RAB3GAP2: variants seen among roughly 807,000 people sequenced by gnomAD.
RAB3GAP2 encodes the protein RAB3 GTPase activating non-catalytic protein subunit 2, also known as rab3 GTPase-activating protein non-catalytic subunit.
In RAB3GAP2, 87 loss-of-function variants were observed where a neutral mutation model predicts 185.3. The observed-to-expected ratio is 0.47, with a 90% CI of 0.39 to 0.56. RAB3GAP2 has a LOEUF of 0.56. Among genes scored for constraint, RAB3GAP2 ranks in the 20% least tolerant of loss-of-function variants. RAB3GAP2 has a pLI of 0.00. For missense variants in RAB3GAP2, 1,492 were observed against 1,638.2 expected (o/e 0.91, Z 1.54); for synonymous variants, 554 against 576.1 (o/e 0.96, Z 0.55).
At chr1:220,167,761 G>C in intron 24 of RAB3GAP2, 86 bp from the exon 25 acceptor site, 3 of 1,337,342 alleles carry the variant, frequency 2.2e-6, no homozygotes, top group Non-Finnish European at 3.2e-6. Context: ...CTTACGAAGA[G>C]ATCTAAGTGC....
intron 1 of RAB3GAP2, chr1:220,266,771 C>T (rs1443007473): frequency 1.6e-5 from 25 of 1,592,712 alleles, no homozygotes; most frequent in Non-Finnish European, 2.1e-5. Context: ...TGCTGTGATC[C>T]AGGGGTATTC....
chr1:220,225,125 T>C (rs950965622), intron 2 of RAB3GAP2, among the ~76,000 whole-genome samples: 2 of 152,198 alleles, frequency 1.3e-5, no homozygotes, highest in Non-Finnish European at 2.9e-5. Context: ...AAGGTGCAGC[T>C]GACTACATGG....
intron 1 of RAB3GAP2, among the ~76,000 whole-genome samples, chr1:220,242,884 A>G (rs1659722072): frequency 6.6e-6 from 1 of 152,220 alleles, no homozygotes; most frequent in Non-Finnish European, 1.5e-5. Context: ...TCAAATGCCT[A>G]CATGTGACAT....
At chr1:220,216,451 C>T (rs1350959783) in intron 2 of RAB3GAP2, among the ~76,000 whole-genome samples, 1 of 152,214 alleles carries the variant, frequency 6.6e-6, no homozygotes, top group African/African-American at 2.4e-5. Flanking sequence ...TTACCCAACA[C>T]ATCACTCCTC....
intron 2 of RAB3GAP2, among the ~76,000 whole-genome samples, chr1:220,218,403 C>T (rs1174013825): frequency 6.6e-6 from 1 of 151,988 alleles, no homozygotes; most frequent in Non-Finnish European, 1.5e-5. Context: ...TTTGAAGTGC[C>T]ATAAAATTCT....
chr1:220,257,151 G>A (rs1660045834), intron 1 of RAB3GAP2, among the ~76,000 whole-genome samples: 1 of 152,156 alleles, frequency 6.6e-6, no homozygotes. Flanking sequence ...GGCTGAGGTG[G>A]GCGGATCACG....
intron 1 of RAB3GAP2, among the ~76,000 whole-genome samples, chr1:220,243,726 C>A (rs1377262975): frequency 1.3e-5 from 2 of 152,150 alleles, no homozygotes; most frequent in South Asian, 4.2e-4. Flanking sequence ...ACACGTTAAA[C>A]AGCAATACAA....
At position 220,190,116 on chromosome 1, in the gene RAB3GAP2, C is replaced by G. The variant is rs1161384158; in HGVS notation, c.1662G>C (p.Met554Ile). The part of the protein sequence containing the change: ...SDKKSERAKD[M>I]HLVKKLAALL... ...AGGCTGCTAGTTTCTTCACTAGGTG[C>G]ATATCCTTGGCTCGTTCACTCTTCT... The change falls in exon 16 of 35, where the codon ATG becomes ATC. Residue 554 changes from methionine (M) to isoleucine (I), a missense_variant. Physicochemically the swap from Met to Ile is conservative, Grantham distance 10 (BLOSUM62 1). Coordinates refer to ENST00000358951, the MANE Select transcript of RAB3GAP2 (RefSeq NM_012414.4). The G allele has an allele frequency of 6.2e-7, 1 of 1,613,364 alleles. No homozygotes were observed. Among genetic ancestry groups the G allele is most frequent in the African/African-American group, 1.3e-5 (1 of 74,910 alleles).
At chr1:220,179,359 C>T (rs902643669) in intron 21 of RAB3GAP2, among the ~76,000 whole-genome samples, 3 of 151,332 alleles carry the variant, frequency 2.0e-5, no homozygotes, top group Non-Finnish European at 2.9e-5. Context: ...AACAATGGAG[C>T]ACTCAAATAT....
chr1:220,227,853 G>A (rs1659429055), intron 2 of RAB3GAP2, among the ~76,000 whole-genome samples: 1 of 152,190 alleles, frequency 6.6e-6, no homozygotes, highest in Admixed American at 6.5e-5. Context: ...CCGGGTTCAA[G>A]CAGTTCTCCT....
chr1:220,267,626 GT>G, intron 1 of RAB3GAP2: 2 of 1,412,822 alleles, frequency 1.4e-6, no homozygotes, highest in South Asian at 1.1e-5. Flanking sequence ...ACTGCTTGCT[GT>G]TTTGGGTGTT....
Position 220,257,634 on chromosome 1 carries a change from G to T in RAB3GAP2, c.115+14589C>A, listed in dbSNP as rs1046439390. On this transcript the variant is annotated intron_variant, in intron 1 of 34. Coordinates refer to ENST00000358951, the MANE Select transcript of RAB3GAP2 (RefSeq NM_012414.4). Reference sequence around the variant, plus strand: ...CACATCAAAAAGCTAGAAGGATCTCGACTTAACAACCTAACATCTCAAGTA... The same window carrying T: ...CACATCAAAAAGCTAGAAGGATCTCTACTTAACAACCTAACATCTCAAGTA... Among the ~76,000 whole-genome samples the T allele has an allele frequency of 3.3e-5, 5 of 152,080 alleles. No homozygotes were observed. In the South Asian group the frequency reaches 1.0e-3, roughly 32 times the overall value.
At chr1:220,153,141 T>G (rs1657793679) in intron 33 of RAB3GAP2, 44 bp downstream of exon 33, 1 of 1,446,218 alleles carries the variant, frequency 6.9e-7, no homozygotes, top group Non-Finnish European at 9.7e-7. Flanking sequence ...CAACTATCAA[T>G]TTTATAACTT....
rs545848541 is a variant in RAB3GAP2, at chr1:220,164,769, G to A, written c.3118C>T (p.His1040Tyr). 1.9e-6 allele frequency: 3 copies of A among 1,608,782 alleles called. No individual in the cohort carries two copies. In the African/African-American group the frequency reaches 4.0e-5, roughly 21 times the overall value. Residue 1040 changes from histidine (H) to tyrosine (Y), a missense_variant, in exon 27 of 35, where the codon CAC becomes TAC. Around this residue, in one of 5 missense-constraint regions of RAB3GAP2, gnomAD observed 387 missense variants for 455.3 expected, o/e 0.85. Coordinates refer to ENST00000358951, the MANE Select transcript of RAB3GAP2 (RefSeq NM_012414.4). ...EARFFVRSIE[H>Y]LKQIFNAHVQ... is the part of the protein sequence containing the mutation. Reference sequence around the variant, plus strand: ...TGTGCATTAAATATTTGCTTCAAGTGTTCTATTGACCTAACAAAAAAACGT... The same window carrying A: ...TGTGCATTAAATATTTGCTTCAAGTATTCTATTGACCTAACAAAAAAACGT...
intron 1 of RAB3GAP2, chr1:220,254,468 A>G (rs143759389): frequency 0.016 from 25,756 of 1,613,530 alleles, 1,209 homozygotes; most frequent in Admixed American, 0.11. Flanking sequence ...TACCTGGCAA[A>G]GAATTCTGCA....
At chr1:220,169,587 G>A (rs1231895738) in intron 24 of RAB3GAP2, among the ~76,000 whole-genome samples, 1 of 152,212 alleles carries the variant, frequency 6.6e-6, no homozygotes, top group Non-Finnish European at 1.5e-5. Context: ...GCACACGGAT[G>A]CTTCATTTTA....
At chr1:220,193,945 C>A (rs1219235444) in intron 12 of RAB3GAP2, among the ~76,000 whole-genome samples, 1 of 152,046 alleles carries the variant, frequency 6.6e-6, no homozygotes, top group African/African-American at 2.4e-5. Context: ...GTCCCTGAAA[C>A]AAAGGTGCCC....
intron 1 of RAB3GAP2, among the ~76,000 whole-genome samples, chr1:220,243,964 T>A (rs1659751064): frequency 6.6e-6 from 1 of 152,148 alleles, no homozygotes; most frequent in South Asian, 2.1e-4. Context: ...GCCAACATCA[T>A]ATTGAATGGG....
In RAB3GAP2 at chr1:220,191,332, T is replaced by C. The variant is rs368553303; in HGVS notation, c.1271-48A>G. 1.1e-5 allele frequency: 11 copies of C among 1,038,696 alleles called. No individual in the cohort carries two copies. In the African/African-American group the frequency reaches 1.2e-4, roughly 12 times the overall value. The allele number at this position is 1,038,696 out of a possible 1,614,324, so 64.3% of individuals were successfully genotyped here. On this transcript the variant is annotated intron_variant, in intron 13 of 34. Transcript: ENST00000358951. ...AGTTAATTACTTAATCTAGGTTCCA[T>C]AGTAGCCTCCTGAAGTACTCTGGAA... is the stretch of plus-strand genomic sequence containing the variant.
Sources: allele counts gnomAD v4.1 joint callset (sites outside exome capture counted in the v4.1 genomes callset), GRCh38; gene constraint gnomAD v4.1.1; regional missense constraint gnomAD v4.1.1; transcripts MANE v1.5; gene names NCBI Gene and HGNC (gene_info 2026-07-23, HGNC 2026-07-21).